The following SH3KBP1 variants were observed in gnomAD, a reference collection of about 807,000 sequenced individuals.
The protein encoded by SH3KBP1 is SH3 domain-containing kinase-binding protein 1.
Under a neutral mutation model 50.1 loss-of-function variants are expected in SH3KBP1, and 8 were observed. The ratio of observed to expected loss-of-function variants is 0.16; its 90% CI spans 0.09 to 0.29. The LOEUF (loss-of-function observed/expected upper bound fraction) is 0.29, where lower values mean the gene tolerates loss of function less well. Ranked by LOEUF, SH3KBP1 falls within the 10% of genes least tolerant of loss-of-function variation. The probability of loss-of-function intolerance (pLI) is 1.00; values close to 1 mark genes in which losing one functional copy is unlikely to be tolerated. For synonymous variants in SH3KBP1, 227 were observed against 218.6 expected (o/e 1.04, Z -0.34); for missense variants, 377 against 535.2 (o/e 0.70, Z 2.92).
chrX:19,680,523 CTGAGCAGACCTACT>C (rs1487869744), intron 6 of SH3KBP1, among the ~76,000 whole-genome samples: 1 of 111,345 alleles, frequency 9.0e-6, no homozygotes, highest in Non-Finnish European at 1.9e-5. Flanking sequence ...CTGTCGCAGC[CTGAGCAGACCTACT>C]TGAGCCTCAC....
At chrX:19,792,808 G>A (rs1329464491) in intron 2 of SH3KBP1, among the ~76,000 whole-genome samples, 1 of 106,921 alleles carries the variant, frequency 9.4e-6, no homozygotes, top group Non-Finnish European at 1.9e-5. Flanking sequence ...GGGGCGGGAC[G>A]GGCGATTGTG....
At chrX:19,858,625 C>T (rs1032002579) in intron 1 of SH3KBP1, among the ~76,000 whole-genome samples, 1 of 112,048 alleles carries the variant, frequency 8.9e-6, no homozygotes, top group Non-Finnish European at 1.9e-5. Context: ...AAAGCCCTGT[C>T]TCAAAAACAA....
At chrX:19,713,077 G>T (rs1386925186) in intron 3 of SH3KBP1, among the ~76,000 whole-genome samples, 1 of 109,520 alleles carries the variant, frequency 9.1e-6, no homozygotes, top group East Asian at 2.9e-4. Context: ...ACAAAAATTA[G>T]CCAGGCATGG....
At chrX:19,607,279 C>T (rs894659267) in intron 9 of SH3KBP1, among the ~76,000 whole-genome samples, 5 of 112,348 alleles carry the variant, frequency 4.5e-5, no homozygotes, top group Non-Finnish European at 7.5e-5. Context: ...GGGATTGCTC[C>T]TCCCTTATAC....
chrX:19,732,436 G>A (rs2064408266), intron 3 of SH3KBP1, among the ~76,000 whole-genome samples: 2 of 109,694 alleles, frequency 1.8e-5, no homozygotes, highest in Admixed American at 2.0e-4. Flanking sequence ...GGGAAAAATC[G>A]GCCCTCTGTA....
At chrX:19,762,953 C>T (rs745789637) in intron 2 of SH3KBP1, among the ~76,000 whole-genome samples, 2 of 112,121 alleles carry the variant, frequency 1.8e-5, no homozygotes, top group Non-Finnish European at 3.8e-5. Flanking sequence ...ATACCTCATA[C>T]GCTCCTGCCT....
chrX:19,831,242 C>G (rs998476769), intron 2 of SH3KBP1, among the ~76,000 whole-genome samples: 2 of 109,685 alleles, frequency 1.8e-5, no homozygotes, highest in Non-Finnish European at 3.8e-5. Context: ...TATAGCAAAA[C>G]CCCATCTCCA....
intron 1 of SH3KBP1, among the ~76,000 whole-genome samples, chrX:19,874,068 A>AAAAT (rs1491537486): frequency 3.5e-5 from 2 of 57,047 alleles, no homozygotes; most frequent in African/African-American, 1.6e-4. Flanking sequence ...AAAAAAAAAA[A>AAAAT]ATATATATAT....
intron 7 of SH3KBP1, among the ~76,000 whole-genome samples, chrX:19,643,953 G>A (rs1282896184): frequency 2.7e-5 from 3 of 111,803 alleles, no homozygotes; most frequent in Non-Finnish European, 5.6e-5. Flanking sequence ...CTAGAATATG[G>A]GCTTCCTATA....
At position 19,659,518 on chromosome X, in the gene SH3KBP1, T is replaced by C. The variant is rs907974922; in HGVS notation, c.727-14043A>G. Reference sequence around the variant, plus strand: ...GGCTTAAACAAGAGACCTTCCCACCTCGGCCTCCCAAAGTGCTGGGATTAC... The same window carrying C: ...GGCTTAAACAAGAGACCTTCCCACCCCGGCCTCCCAAAGTGCTGGGATTAC... On this transcript the variant is annotated intron_variant, in intron 6 of 17. Coordinates refer to ENST00000397821, the MANE Select transcript of SH3KBP1 (RefSeq NM_031892.3). 1.2e-4 allele frequency among the ~76,000 whole-genome samples: 13 copies of C among 111,372 alleles called. No individual in the cohort carries two copies. The Admixed American group carries it at 1.2e-3, about 11-fold the overall frequency.
In SH3KBP1 at chrX:19,607,940, T is replaced by C; in HGVS notation, c.1003A>G (p.Asn335Asp). 1 of 1,200,928 alleles carries C rather than the reference T, an allele frequency of 8.3e-7. No homozygotes were observed. Among genetic ancestry groups the C allele is most frequent in the Non-Finnish European group, 1.1e-6 (1 of 885,922 alleles). ...AAATCAAAGTGAAGGAGACTTACAT[T>C]CCCTTCCTTTTCAAAGTCCGGTGGA... is the stretch of plus-strand genomic sequence containing the variant. ...LLPPDFEKEG[N>D]RPKKPPPPSA... Residue 335 changes from asparagine to aspartate, a missense_variant and splice_region_variant, in exon 9 of 18, where the codon AAT becomes GAT. This residue lies in a region of SH3KBP1 where 257 missense variants were observed against 374.2 expected (regional missense o/e 0.69). Transcript: ENST00000397821.
intron 3 of SH3KBP1, among the ~76,000 whole-genome samples, chrX:19,743,386 ATGTCAGAGTGAGAGCCTGGG>A (rs1262443141): frequency 1.8e-5 from 2 of 109,288 alleles, no homozygotes; most frequent in Admixed American, 9.8e-5. Flanking sequence ...TCCAGCCTGG[ATGTCAGAGTGAGAGCCTGGG>A]TGTCAGAGTG....
intron 2 of SH3KBP1, among the ~76,000 whole-genome samples, chrX:19,828,211 G>C (rs1264097667): frequency 9.1e-6 from 1 of 110,048 alleles, no homozygotes; most frequent in Non-Finnish European, 1.9e-5. Flanking sequence ...ACATGAACCA[G>C]TTTTGAACCT....
At chrX:19,827,942 A>C (rs911124104) in intron 2 of SH3KBP1, among the ~76,000 whole-genome samples, 2 of 109,264 alleles carry the variant, frequency 1.8e-5, no homozygotes, top group African/African-American at 6.7e-5. Flanking sequence ...AAAACTTAGA[A>C]ACTAGGCAAA....
rs1414480876 is a variant in SH3KBP1, at chrX:19,569,134, G to C, written c.1353C>G (p.Asp451Glu). 3.3e-6 allele frequency: 4 copies of C among 1,211,283 alleles called. No homozygotes were observed. The Admixed American group carries it at 8.7e-5, about 26-fold the overall frequency. The change falls in exon 13 of 18, where the codon GAC (aspartate) becomes GAG (glutamate). Residue 451 changes from aspartate to glutamate, a missense_variant. Physicochemically the swap from Asp to Glu is conservative, Grantham distance 45. Transcript: ENST00000397821. ...CATTGCTGCGGTCCGAGAGATCTTTGTCCAGGATGCCAGATAGCGAACTGC... is the reference window on the plus strand; with the variant it reads ...CATTGCTGCGGTCCGAGAGATCTTTCTCCAGGATGCCAGATAGCGAACTGC... ...LAGSSLSGIL[D>E]KDLSDRSNDI...
chrX:19,623,538 A>T (rs1200807954), intron 8 of SH3KBP1, among the ~76,000 whole-genome samples: 1 of 111,896 alleles, frequency 8.9e-6, no homozygotes, highest in Non-Finnish European at 1.9e-5. Context: ...TACAAAAATT[A>T]GCCAGGCATG....
At chrX:19,759,441 A>T (rs936945103) in intron 2 of SH3KBP1, among the ~76,000 whole-genome samples, 3 of 111,978 alleles carry the variant, frequency 2.7e-5, no homozygotes, top group African/African-American at 9.7e-5. Flanking sequence ...AAGTCAAGAA[A>T]ATCTTGACTT....
intron 1 of SH3KBP1, among the ~76,000 whole-genome samples, chrX:19,866,849 ATATTT>A (rs1278790575): frequency 3.2e-4 from 35 of 110,519 alleles, no homozygotes; most frequent in African/African-American, 1.1e-3. Context: ...GATTTTACCT[ATATTT>A]TAGGCCTCTT....
chrX:19,827,918 C>CAAAT (rs1262695910), intron 2 of SH3KBP1, among the ~76,000 whole-genome samples: 3 of 103,350 alleles, frequency 2.9e-5, no homozygotes, highest in Non-Finnish European at 5.9e-5. Flanking sequence ...AACAAACAAA[C>CAAAT]AAACAAAAAA....
Sources: allele counts gnomAD v4.1 joint callset (sites outside exome capture counted in the v4.1 genomes callset), GRCh38; gene constraint gnomAD v4.1.1; regional missense constraint gnomAD v4.1.1; transcripts MANE v1.5; gene names NCBI Gene and HGNC (gene_info 2026-07-23, HGNC 2026-07-21).